The following AANAT variants were observed in gnomAD, a reference collection of about 807,000 sequenced individuals.
AANAT encodes the protein aralkylamine N-acetyltransferase.
AANAT carries 11 observed loss-of-function variants against 15.6 expected under a neutral mutation model. That is an observed-to-expected ratio of 0.71 (90% CI 0.44 to 1.17). The LOEUF is 1.17. AANAT is among the 50% of genes most tolerant of loss of function. The pLI is 0.00. For missense variants in AANAT, 286 were observed against 296.3 expected (o/e 0.97, Z 0.26); for synonymous variants, 139 against 131.5 (o/e 1.06, Z -0.39).
At chr17:76,468,964 G>A in intron 2 of AANAT, 55 bp downstream of exon 2, 4 of 1,568,038 alleles carry the variant, frequency 2.6e-6, no homozygotes, top group Admixed American at 3.4e-5. Flanking sequence ...CAGTTATCCT[G>A]TGGGGAGGAG....
At chr17:76,456,928 C>T (rs1231553466) in intron 1 of AANAT, among the ~76,000 whole-genome samples, 1 of 152,170 alleles carries the variant, frequency 6.6e-6, no homozygotes, top group African/African-American at 2.4e-5. Context: ...ACTCTAAGGG[C>T]AGGGGCTTTT....
chr17:76,462,858 C>T (rs75925606), upstream of AANAT, among the ~76,000 whole-genome samples: 867 of 152,308 alleles, frequency 5.7e-3, 9 homozygotes, highest in African/African-American at 0.019. Context: ...TCCTGCACGC[C>T]GGGCCTCTCA....
chr17:76,467,570 A>T, upstream of AANAT: 1 of 985,464 alleles, frequency 1.0e-6, no homozygotes, highest in Non-Finnish European at 1.2e-6. Flanking sequence ...TGGGGGGATT[A>T]CAAACCTCTA....
intron 1 of AANAT, among the ~76,000 whole-genome samples, chr17:76,458,107 A>G (rs1011239648): frequency 1.3e-5 from 2 of 152,196 alleles, no homozygotes; most frequent in African/African-American, 4.8e-5. Context: ...CCATTCTGTC[A>G]GTTTCCTATC....
rs61739395 is a variant in AANAT at position 76,468,754 on chromosome 17, C to T, written c.8C>T (p.Thr3Met). Residue 3 changes from threonine (T) to methionine (M), a missense_variant, in exon 2 of 4, where the codon ACG (threonine) becomes ATG (methionine). By Grantham distance (81) the Thr-to-Met change is moderately conservative. Transcript: ENST00000392492. ...GAGGCACCAGTGGCCAGAATGTCCA[C>T]GCAGAGCACCCACCCCCTGAAACCT... MS[T>M]QSTHPLKPEA... 5,868 of 1,611,714 alleles carry T rather than the reference C, an allele frequency of 3.6e-3. 131 individuals carry two copies. The African/African-American group carries it at 0.053, about 15-fold the overall frequency.
Position 76,469,936 on chromosome 17 carries a change from GCCA to G in AANAT, c.593_595del (p.His198del). The G allele has an allele frequency of 2.0e-6, 3 of 1,533,800 alleles. No homozygotes were observed. Among genetic ancestry groups the G allele is most frequent in the Non-Finnish European group, 2.6e-6 (3 of 1,137,530 alleles). On this transcript the variant is annotated inframe_deletion, in exon 4 of 4. Coordinates refer to ENST00000392492, the MANE Select transcript of AANAT (RefSeq NM_001088.3). This position sits in a 1 kb window ranked among gnomAD's most constrained non-coding sequence, Gnocchi z 5.2. ...ATGGAGCTCCACTGCTCCCTGCGGG[GCCA>G]CCCCTTCCTGCGCAGGAACAGCGGC...
chr17:76,469,640 G>C lies in AANAT; in HGVS notation c.319-25G>C, dbSNP rs776460132. On this transcript the variant is annotated intron_variant, in intron 3 of 3. Coordinates refer to ENST00000392492, the MANE Select transcript of AANAT (RefSeq NM_001088.3). The surrounding 1 kb of genome is among the most constrained non-coding windows in gnomAD (Gnocchi z 5.2). The stretch of plus-strand genomic sequence containing the variant: ...GCACGTGTCAGCAGAAGTGACCTGG[G>C]ATCTCATCCCTTGCTCGCTCCCAGG... 2.1e-6 allele frequency: 3 copies of C among 1,446,976 alleles called. No individual in the cohort carries two copies. The highest frequency in any genetic ancestry group is 2.7e-5 in the Admixed American group (1 of 36,542). 89.6% of individuals were successfully genotyped at this position (1,446,976 alleles called of 1,614,324 possible).
upstream of AANAT, chr17:76,462,598 GTAGGGGTCGC>G (rs1352130489): frequency 6.6e-6 from 1 of 152,278 alleles, no homozygotes; most frequent in African/African-American, 2.4e-5. Flanking sequence ...CTGCTCCATG[GTAGGGGTCGC>G]TCATGAGACC....
chr17:76,464,349 A>C (rs2073417732), upstream of AANAT, among the ~76,000 whole-genome samples: 1 of 152,020 alleles, frequency 6.6e-6, no homozygotes, highest in Admixed American at 6.6e-5. Flanking sequence ...CTTAAAAAAA[A>C]AAAAAAAAAG....
chr17:76,464,027 C>T (rs991029134), upstream of AANAT, among the ~76,000 whole-genome samples: 12 of 152,148 alleles, frequency 7.9e-5, no homozygotes, highest in African/African-American at 2.9e-4. Flanking sequence ...GACAACCCCT[C>T]TCCAAACTGC....
Position 76,469,624 on chromosome 17 carries a change from A to C in AANAT, c.319-41A>C. The stretch of plus-strand genomic sequence containing the variant: ...TGGTGGTTGGGGGGGAGCACGTGTC[A>C]GCAGAAGTGACCTGGGATCTCATCC... On this transcript the variant is annotated intron_variant, in intron 3 of 3. Transcript: ENST00000392492. The surrounding 1 kb of genome is among the most constrained non-coding windows in gnomAD (Gnocchi z 5.2). The C allele has an allele frequency of 7.0e-7, 1 of 1,434,218 alleles. No homozygotes were observed. Among genetic ancestry groups the C allele is most frequent in the African/African-American group, 1.4e-5 (1 of 69,886 alleles). The allele number at this position is 1,434,218 out of a possible 1,614,324, so 88.8% of individuals were successfully genotyped here.
chr17:76,455,336 A>T lies in AANAT; in HGVS notation c.-576+1554A>T, dbSNP rs996616394. ...CAAGGTGGCAGGCGCCTGTAATTCC[A>T]GCTACTTGGGAGGCTGAGACACGAG... On this transcript the variant is annotated intron_variant, in intron 1 of 6. Transcript: ENST00000250615. 5.9e-5 allele frequency among the ~76,000 whole-genome samples: 9 copies of T among 152,014 alleles called. No homozygotes were observed. The South Asian group carries it at 1.9e-3, about 31-fold the overall frequency.
chr17:76,465,641 G>C (rs755180862), upstream of AANAT, among the ~76,000 whole-genome samples: 5 of 151,660 alleles, frequency 3.3e-5, no homozygotes, highest in African/African-American at 9.7e-5. Flanking sequence ...CCAGCCCCAG[G>C]GATCTCCTTC....
At chr17:76,464,799 A>AT (rs56837304), upstream of AANAT, among the ~76,000 whole-genome samples, 3,003 of 148,076 alleles carry the variant, frequency 0.02, 53 homozygotes, top group African/African-American at 0.046. Context: ...GTATCTATAT[A>AT]TTTTTTTTTT....
upstream of AANAT, chr17:76,466,359 A>G: frequency 4.1e-5 from 15 of 368,870 alleles, no homozygotes; most frequent in Non-Finnish European, 4.2e-5. Context: ...CAGAGTGCAG[A>G]GGGGCCCTGG....
chr17:76,468,388 G>A (rs2073462953), intron 1 of AANAT, among the ~76,000 whole-genome samples: 1 of 152,144 alleles, frequency 6.6e-6, no homozygotes, highest in Non-Finnish European at 1.5e-5. Flanking sequence ...CCATCTCTGG[G>A]GCTCAGAAGC....
At chr17:76,465,888 C>T (rs142414187), upstream of AANAT, 113 of 406,116 alleles carry the variant, frequency 2.8e-4, no homozygotes, top group East Asian at 5.8e-3. Context: ...GACAGGGTCT[C>T]GCTCTGTCGC....
chr17:76,467,347 C>T (rs2073449356), upstream of AANAT, among the ~76,000 whole-genome samples: 1 of 152,122 alleles, frequency 6.6e-6, no homozygotes, highest in South Asian at 2.1e-4. Flanking sequence ...ATCGCTGGTG[C>T]CCAGCCAGTC....
intron 2 of AANAT, 67 bp downstream of exon 2, chr17:76,468,976 C>G: frequency 6.5e-7 from 1 of 1,540,208 alleles, no homozygotes; most frequent in Non-Finnish European, 8.9e-7. Context: ...GGGGAGGAGA[C>G]CCTTAGTCTC....
Sources: gnomAD v4.1 joint callset for allele counts (sites outside exome capture counted in the v4.1 genomes callset) on GRCh38, gnomAD v4.1.1 for gene constraint, Gnocchi (gnomAD v3.1) non-coding constraint, MANE v1.5 for transcripts, NCBI Gene and HGNC (gene_info 2026-07-23, HGNC 2026-07-21) for gene names.